The following STK3 variants were observed in gnomAD, a reference collection of about 807,000 sequenced individuals.
STK3 encodes the protein serine/threonine kinase 3, also known as serine/threonine-protein kinase 3.
A neutral mutation model predicts 58.0 loss-of-function variants in STK3; 41 were observed. The observed-to-expected ratio is 0.71, with a 90% CI of 0.55 to 0.92. The LOEUF is 0.92. STK3 is among the 40% of genes least tolerant of loss of function. The pLI, the probability that STK3 is intolerant of heterozygous loss-of-function variation, is 0.00. For synonymous variants in STK3, 170 were observed against 191.0 expected, an observed-to-expected ratio of 0.89 and a Z score of 0.91; for missense variants, 479 against 602.7, an observed-to-expected ratio of 0.79 and a Z score of 2.15.
intron 1 of STK3, among the ~76,000 whole-genome samples, chr8:98,935,916 T>C (rs1281441719): frequency 6.6e-6 from 1 of 150,770 alleles, no homozygotes; most frequent in Admixed American, 6.6e-5. Flanking sequence ...TTTTTGTTTT[T>C]ATTTATTTAT....
At chr8:98,676,684 A>T (rs1823237737) in intron 6 of STK3, among the ~76,000 whole-genome samples, 1 of 152,186 alleles carries the variant, frequency 6.6e-6, no homozygotes, top group South Asian at 2.1e-4. Flanking sequence ...AGTAAAAAAA[A>T]ATAAGTTCTG....
At position 98,698,737 on chromosome 8, in the gene STK3, T is replaced by C. The variant is rs1019662397; in HGVS notation, c.684+7730A>G. Among the ~76,000 whole-genome samples, 2 of 152,246 alleles carry C rather than the reference T, an allele frequency of 1.3e-5. 1 individual carries two copies. Among genetic ancestry groups the C allele is most frequent in the African/African-American group, 4.8e-5 (2 of 41,456 alleles). ...AGAGTTTCTGCTGAGAGATCAGCTG[T>C]TAGTCTGATGGGCTTCCCTTTGTGG... On this transcript the variant is annotated intron_variant, in intron 6 of 10. Transcript: ENST00000419617.
rs149976870 is a variant in STK3 at position 98,755,231 on chromosome 8, C to T, written c.237-5841G>A. Among the ~76,000 whole-genome samples the T allele has an allele frequency of 8.5e-3, 1,300 of 152,286 alleles. 9 individuals are homozygous for T. Among genetic ancestry groups the T allele is most frequent in the African/African-American group, 0.029 (1,222 of 41,554 alleles). The stretch of plus-strand genomic sequence containing the variant: ...CACATGCATTCACTGACCCTCTACT[C>T]GGGCCAGGCATTTCACCAGATGTTC... On this transcript the variant is annotated intron_variant, in intron 3 of 10. Transcript: ENST00000419617.
At chr8:98,368,322 G>A (rs531193737), downstream of STK3, among the ~76,000 whole-genome samples, 6 of 152,270 alleles carry the variant, frequency 3.9e-5, no homozygotes, top group East Asian at 1.9e-4. Context: ...AGGACTTCTC[G>A]CTGAAACAGT....
intron 1 of STK3, among the ~76,000 whole-genome samples, chr8:98,447,078 C>T (rs925917440): frequency 3.9e-5 from 6 of 151,900 alleles, no homozygotes; most frequent in African/African-American, 1.2e-4. Flanking sequence ...CACACACTGG[C>T]GCCTACTTCA....
chr8:98,877,118 G>A (rs1300024313), intron 3 of STK3, among the ~76,000 whole-genome samples: 1 of 152,140 alleles, frequency 6.6e-6, no homozygotes, highest in Non-Finnish European at 1.5e-5. Flanking sequence ...TATTCCAAAA[G>A]GTTTTAGAAA....
intron 1 of STK3, among the ~76,000 whole-genome samples, chr8:98,891,815 G>A (rs1321334024): frequency 6.6e-6 from 1 of 152,166 alleles, no homozygotes; most frequent in Non-Finnish European, 1.5e-5. Flanking sequence ...TTCATGATGT[G>A]AGGGCCGGGG....
chr8:98,552,911 A>G (rs900810522), intron 8 of STK3, among the ~76,000 whole-genome samples: 1 of 152,200 alleles, frequency 6.6e-6, no homozygotes. Context: ...ATTGGAGATG[A>G]ATAAGATAGT....
chr8:98,568,428 G>A (rs80161351), intron 8 of STK3, among the ~76,000 whole-genome samples: 2,688 of 152,320 alleles, frequency 0.018, 45 homozygotes, highest in South Asian at 0.074. Flanking sequence ...CTTGCAAAGA[G>A]AAAAGTCACA....
intron 8 of STK3, among the ~76,000 whole-genome samples, chr8:98,553,572 G>A (rs901330596): frequency 2.0e-5 from 3 of 152,030 alleles, no homozygotes; most frequent in Admixed American, 1.3e-4. Context: ...CTTTGGGACA[G>A]GAAATAATGC....
At chr8:98,908,843 C>CA (rs1187304586) in intron 1 of STK3, among the ~76,000 whole-genome samples, 9,622 of 59,894 alleles carry the variant, frequency 0.16, 625 homozygotes, top group Non-Finnish European at 0.24. Flanking sequence ...GACTTCTTCT[C>CA]AAAAAAAAAA....
intron 3 of STK3, among the ~76,000 whole-genome samples, chr8:98,847,051 T>C (rs1414136386): frequency 1.3e-5 from 2 of 152,192 alleles, no homozygotes; most frequent in African/African-American, 4.8e-5. Flanking sequence ...TGACTCTTCA[T>C]TTAATAACCA....
chr8:98,356,550 G>A, the STK3 span, among the ~76,000 whole-genome samples: 1 of 152,192 alleles, frequency 6.6e-6, no homozygotes. Context: ...GGAAAGCTAA[G>A]CCGAAAGCCA....
intron 3 of STK3, chr8:98,413,466 C>T: frequency 3.4e-6 from 2 of 594,248 alleles, no homozygotes; most frequent in South Asian, 2.8e-5. Context: ...TCTGTAACTG[C>T]TCTGAAGTGG....
intron 7 of STK3, among the ~76,000 whole-genome samples, chr8:98,581,006 A>T (rs910390906): frequency 1.3e-5 from 2 of 152,224 alleles, no homozygotes; most frequent in African/African-American, 4.8e-5. Context: ...AAACAAATTA[A>T]GTCCTATTAA....
At chr8:98,612,011 C>CTAAA (rs1340900567) in intron 6 of STK3, among the ~76,000 whole-genome samples, 1 of 149,790 alleles carries the variant, frequency 6.7e-6, no homozygotes, top group East Asian at 1.9e-4. Flanking sequence ...GTTCCCCTTG[C>CTAAA]TAAATAAATA....
chr8:98,695,612 C>G (rs990765418), intron 6 of STK3, among the ~76,000 whole-genome samples: 1 of 152,166 alleles, frequency 6.6e-6, no homozygotes, highest in East Asian at 1.9e-4. Flanking sequence ...GAATCCTTTC[C>G]CCATTGCTTG....
intron 8 of STK3, among the ~76,000 whole-genome samples, chr8:98,574,544 GA>G (rs776688589): frequency 3.9e-5 from 6 of 152,266 alleles, no homozygotes; most frequent in Middle Eastern, 3.4e-3. Context: ...CAAAATCAGG[GA>G]AACAATTATC....
chr8:98,887,288 T>C (rs973274088), intron 1 of STK3, among the ~76,000 whole-genome samples: 2 of 152,190 alleles, frequency 1.3e-5, no homozygotes, highest in African/African-American at 4.8e-5. Flanking sequence ...GCTGAAATGA[T>C]GCTCAAAGAA....
Sources: allele counts gnomAD v4.1 joint callset (sites outside exome capture counted in the v4.1 genomes callset), GRCh38; gene constraint gnomAD v4.1.1; transcripts MANE v1.5; gene names NCBI Gene and HGNC (gene_info 2026-07-23, HGNC 2026-07-21).